Variants in TTC34 observed in about 807,000 individuals in gnomAD.
The protein encoded by TTC34 is tetratricopeptide repeat domain 34, also known as tetratricopeptide repeat protein 34.
In TTC34, 44 loss-of-function variants were observed where a neutral mutation model predicts 40.7. The ratio of observed to expected loss-of-function variants is 1.08; its 90% CI spans 0.85 to 1.39. TTC34 has a LOEUF of 1.39. Ranked by LOEUF, TTC34 falls within the 40% of genes most tolerant of loss-of-function variation. TTC34 has a pLI of 0.00. For missense variants in TTC34, 884 were observed against 838.0 expected, an observed-to-expected ratio of 1.05 and a Z score of -0.68; for synonymous variants, 422 against 398.6, an observed-to-expected ratio of 1.06 and a Z score of -0.70.
intron 6 of TTC34, among the ~76,000 whole-genome samples, chr1:2,769,833 T>C (rs1394499631): frequency 0.011 from 232 of 20,876 alleles, no homozygotes; most frequent in African/African-American, 0.034. Flanking sequence ...GCGCCCACAA[T>C]CCCAGGTTAG....
At chr1:2,777,346 C>A (rs1643255414) in intron 6 of TTC34, among the ~76,000 whole-genome samples, 1 of 148,380 alleles carries the variant, frequency 6.7e-6, no homozygotes, top group Admixed American at 6.7e-5. Flanking sequence ...CCAGGGGGAG[C>A]ATCTGACAGC....
intron 6 of TTC34, among the ~76,000 whole-genome samples, chr1:2,694,208 A>G (rs1166615919): frequency 6.9e-5 from 8 of 116,526 alleles, no homozygotes; most frequent in East Asian, 2.4e-4. Flanking sequence ...AGCATGTGAC[A>G]GCCTGGATCA....
At chr1:2,749,444 C>G (rs1354862551) in intron 6 of TTC34, among the ~76,000 whole-genome samples, 1 of 72,392 alleles carries the variant, frequency 1.4e-5, no homozygotes, top group Non-Finnish European at 2.6e-5. Flanking sequence ...GCACCGACAC[C>G]CCCAGGTGAG....
At chr1:2,644,176 A>G in intron 8 of TTC34, 88 bp downstream of exon 8, 1 of 1,331,318 alleles carries the variant, frequency 7.5e-7, no homozygotes. Context: ...GAGAGTGAAG[A>G]AAGGCTGCCC....
chr1:2,753,176 C>A (rs1475736101), intron 6 of TTC34, among the ~76,000 whole-genome samples: 8 of 129,140 alleles, frequency 6.2e-5, no homozygotes, highest in African/African-American at 2.2e-4. Context: ...CACCCACACC[C>A]CCAGGTGAGC....
At position 2,650,830 on chromosome 1, in the gene TTC34, C is replaced by A. The variant is rs944383282; in HGVS notation, c.2227-5267G>T. On this transcript the variant is annotated intron_variant, in intron 6 of 8. Coordinates refer to ENST00000401095, the Ensembl canonical transcript of TTC34. Reference sequence around the variant, plus strand: ...CAGCAGGAAACAGCACTTGACACCCCCAGGTGAGCCTCTGACAGCCTGAAA... The same window carrying A: ...CAGCAGGAAACAGCACTTGACACCCACAGGTGAGCCTCTGACAGCCTGAAA... Among the ~76,000 whole-genome samples, 3 of 149,906 alleles carry A rather than the reference C, an allele frequency of 2.0e-5. No individual in the cohort carries two copies. In the East Asian group the frequency reaches 6.0e-4, roughly 30 times the overall value.
chr1:2,753,093 A>AC (rs1641379638), intron 6 of TTC34, among the ~76,000 whole-genome samples: 1 of 131,906 alleles, frequency 7.6e-6, no homozygotes, highest in Non-Finnish European at 1.6e-5. Context: ...CGGCAACCAC[A>AC]CCCCCAGGCG....
At chr1:2,656,153 C>A (rs1442143705) in intron 6 of TTC34, among the ~76,000 whole-genome samples, 8 of 146,718 alleles carry the variant, frequency 5.5e-5, no homozygotes, top group African/African-American at 1.8e-4. Flanking sequence ...GAGCATCTGA[C>A]AGACTGGAAC....
chr1:2,666,093 C>T (rs1202318167), intron 6 of TTC34, among the ~76,000 whole-genome samples: 49 of 106,032 alleles, frequency 4.6e-4, no homozygotes, highest in African/African-American at 1.5e-3. Context: ...CCCACACGCC[C>T]AGGTGAGCCT....
intron 6 of TTC34, among the ~76,000 whole-genome samples, chr1:2,764,571 A>AGC (rs1641744129): frequency 7.1e-6 from 1 of 140,032 alleles, no homozygotes; most frequent in Non-Finnish European, 1.6e-5. Flanking sequence ...AGCCTGGAGC[A>AGC]GCGCCCACAC....
intron 6 of TTC34, among the ~76,000 whole-genome samples, chr1:2,693,187 C>A (rs1288693631): frequency 2.4e-4 from 27 of 110,842 alleles, no homozygotes; most frequent in East Asian, 5.4e-4. Flanking sequence ...CACCCACACC[C>A]CCAGGTGCGC....
At chr1:2,798,016 C>T (rs1643726982) in intron 2 of TTC34, among the ~76,000 whole-genome samples, 1 of 151,922 alleles carries the variant, frequency 6.6e-6, no homozygotes, top group African/African-American at 2.4e-5. Flanking sequence ...CTCTCAGCTG[C>T]CCAGCATCCA....
chr1:2,749,530 GCAAGCATCTGAACGCAAAT>G (rs1641249238), intron 6 of TTC34, among the ~76,000 whole-genome samples: 1 of 61,170 alleles, frequency 1.6e-5, no homozygotes. Flanking sequence ...AGATTCCCAG[GCAAGCATCTGAACGCAAAT>G]AGCAGCACCC....
intron 6 of TTC34, among the ~76,000 whole-genome samples, chr1:2,750,607 C>A (rs1216540828): frequency 2.3e-4 from 2 of 8,746 alleles, no homozygotes; most frequent in African/African-American, 7.1e-4. Flanking sequence ...ACCCCACACC[C>A]ACAGGTGAGC....
chr1:2,798,725 GCC>G (rs2100637672), intron 2 of TTC34, among the ~76,000 whole-genome samples: 1 of 105,274 alleles, frequency 9.5e-6, no homozygotes, highest in African/African-American at 3.8e-5. Context: ...CAGCCTCTCA[GCC>G]CCTCAGCCCC....
chr1:2,686,580 C>T (rs1356997143), intron 6 of TTC34, among the ~76,000 whole-genome samples: 3 of 113,902 alleles, frequency 2.6e-5, no homozygotes, highest in Admixed American at 9.5e-5. Flanking sequence ...GAGCATCTGA[C>T]CGCCTGGAAC....
rs544265204 is a variant in TTC34, at chr1:2,645,150, A to G, written c.2497+143T>C. On this transcript the variant is annotated intron_variant, in intron 7 of 8. Coordinates refer to ENST00000401095, the Ensembl canonical transcript of TTC34. The surrounding 1 kb of genome is among the most constrained non-coding windows in gnomAD (Gnocchi z 4.7). ...CACACAGGGAGCAGGGCCAGAGGTC[A>G]TGGGATTTGGGGTGGAAGGGACCTT... 4.9e-6 allele frequency: 5 copies of G among 1,029,182 alleles called. No homozygotes were observed. In the Admixed American group the frequency reaches 1.1e-4, roughly 22 times the overall value. The allele number at this position is 1,029,182 out of a possible 1,614,324, so 63.8% of individuals were successfully genotyped here.
intron 6 of TTC34, among the ~76,000 whole-genome samples, chr1:2,649,004 C>T (rs1639074381): frequency 6.6e-6 from 1 of 151,560 alleles, no homozygotes; most frequent in Non-Finnish European, 1.5e-5. Flanking sequence ...CACCCCCACA[C>T]CCAGTTGAGC....
intron 6 of TTC34, among the ~76,000 whole-genome samples, chr1:2,754,899 C>CCCGGAGGTGAG (rs1641455409): frequency 3.5e-5 from 1 of 28,202 alleles, no homozygotes; most frequent in Non-Finnish European, 5.7e-5. Flanking sequence ...GCACCCTGCA[C>CCCGGAGGTGAG]CCCCAGGGGA....
Sources: gnomAD v4.1 joint callset for allele counts (sites outside exome capture counted in the v4.1 genomes callset) on GRCh38, gnomAD v4.1.1 for gene constraint, Gnocchi (gnomAD v3.1) non-coding constraint, MANE v1.5 for transcripts, NCBI Gene and HGNC (gene_info 2026-07-23, HGNC 2026-07-21) for gene names.